Variants in ARHGAP23 observed in about 807,000 individuals in gnomAD.
The protein encoded by ARHGAP23 is Rho GTPase activating protein 23, also known as rho GTPase-activating protein 23.
ARHGAP23 carries 34 observed loss-of-function variants against 136.3 expected under a neutral mutation model. The ratio of observed to expected loss-of-function variants is 0.25; its 90% confidence interval spans 0.19 to 0.33. ARHGAP23 has a LOEUF of 0.33. Ranked by LOEUF, ARHGAP23 falls within the 10% of genes least tolerant of loss-of-function variation. The probability of loss-of-function intolerance (pLI) is 1.00; values close to 1 mark genes in which losing one functional copy is unlikely to be tolerated. For missense variants in ARHGAP23, 1,808 were observed against 2,139.0 expected, an observed-to-expected ratio of 0.85 and a Z score of 3.05; for synonymous variants, 832 against 920.5, an observed-to-expected ratio of 0.90 and a Z score of 1.74.
chr17:38,493,303 C>T (rs1381405523), intron 20 of ARHGAP23, among the ~76,000 whole-genome samples: 1 of 151,646 alleles, frequency 6.6e-6, no homozygotes, highest in African/African-American at 2.4e-5. Context: ...ATCCTGCCAT[C>T]TCAGCCTCCT....
chr17:38,449,384 G>T (rs756752565), intron 1 of ARHGAP23, among the ~76,000 whole-genome samples: 2 of 152,256 alleles, frequency 1.3e-5, no homozygotes, highest in Non-Finnish European at 2.9e-5. Flanking sequence ...CAGGTTCCCG[G>T]TGATGGGGGT....
chr17:38,476,028 G>T (rs2039885172), intron 11 of ARHGAP23, among the ~76,000 whole-genome samples: 1 of 152,220 alleles, frequency 6.6e-6, no homozygotes, highest in Non-Finnish European at 1.5e-5. Flanking sequence ...TCGCTCACCT[G>T]CAAGGGCCCC....
intron 11 of ARHGAP23, among the ~76,000 whole-genome samples, chr17:38,475,947 T>C (rs1337622886): frequency 6.6e-6 from 1 of 151,966 alleles, no homozygotes; most frequent in Non-Finnish European, 1.5e-5. Flanking sequence ...CAGCCACATA[T>C]AGAAGTGAGG....
intron 23 of ARHGAP23, among the ~76,000 whole-genome samples, chr17:38,508,270 G>A (rs1218691380): frequency 6.6e-6 from 1 of 152,172 alleles, no homozygotes; most frequent in Non-Finnish European, 1.5e-5. Flanking sequence ...GCTGGGCCTT[G>A]TAGGGTGAGT....
intron 1 of ARHGAP23, among the ~76,000 whole-genome samples, chr17:38,447,486 G>A (rs898434402): frequency 7.8e-6 from 1 of 128,674 alleles, no homozygotes; most frequent in Admixed American, 8.5e-5. Context: ...TTGAGAGCCC[G>A]CTATGCACAA....
chr17:38,446,227 G>A (rs2039031818), intron 1 of ARHGAP23, among the ~76,000 whole-genome samples: 1 of 116,418 alleles, frequency 8.6e-6, no homozygotes, highest in Non-Finnish European at 1.7e-5. Flanking sequence ...GTTTCACCAT[G>A]TTGCCCGGGC....
At chr17:38,424,263 C>T (rs1388970158), upstream of ARHGAP23, among the ~76,000 whole-genome samples, 1 of 152,102 alleles carries the variant, frequency 6.6e-6, no homozygotes, top group Non-Finnish European at 1.5e-5. Context: ...GCTGTCTCTC[C>T]TTGGCACCTG....
chr17:38,426,569 A>AAAAAAAAAAAAAAAAAAAAAC (rs2038573739), upstream of ARHGAP23, among the ~76,000 whole-genome samples: 1 of 150,908 alleles, frequency 6.6e-6, no homozygotes, highest in Non-Finnish European at 1.5e-5. Flanking sequence ...AAAAAAAAAA[A>AAAAAAAAAAAAAAAAAAAAAC]AAATCCAGGC....
At chr17:38,472,336 C>T (rs950902298) in intron 11 of ARHGAP23, among the ~76,000 whole-genome samples, 3 of 152,172 alleles carry the variant, frequency 2.0e-5, no homozygotes, top group East Asian at 1.9e-4. Context: ...GGAGCAAGGC[C>T]GGGGTGATTT....
intron 2 of ARHGAP23, among the ~76,000 whole-genome samples, chr17:38,459,170 C>A (rs891847086): frequency 2.0e-5 from 3 of 152,162 alleles, no homozygotes; most frequent in African/African-American, 7.2e-5. Flanking sequence ...TCCCTAGGAC[C>A]GGGATCTGCC....
rs2040271383 is a variant in ARHGAP23 at position 38,491,195 on chromosome 17, CA to C, written c.3151-211del. Among the ~76,000 whole-genome samples, 7 of 152,330 alleles carry C rather than the reference CA, an allele frequency of 4.6e-5. No individual in the cohort carries two copies. In the South Asian group the frequency reaches 1.4e-3, roughly 32 times the overall value. On this transcript the variant is annotated intron_variant, in intron 19 of 23. Coordinates refer to ENST00000622683, the MANE Select transcript of ARHGAP23 (RefSeq NM_001199417.2). Reference sequence around the variant, plus strand: ...GCCTTGTATAGGTGTGCAGGTTGGGCACTGCTCATGGCTGCTGGGCCTGGGG... The same window carrying C: ...GCCTTGTATAGGTGTGCAGGTTGGGCCTGCTCATGGCTGCTGGGCCTGGGG...
chr17:38,496,322 T>A (rs534422356), intron 20 of ARHGAP23, among the ~76,000 whole-genome samples: 7 of 133,384 alleles, frequency 5.2e-5, no homozygotes, highest in African/African-American at 1.6e-4. Flanking sequence ...TTTTTTTTTT[T>A]AATTAGCTGT....
upstream of ARHGAP23, among the ~76,000 whole-genome samples, chr17:38,428,228 C>T (rs1370618947): frequency 6.6e-6 from 1 of 152,162 alleles, no homozygotes; most frequent in Non-Finnish European, 1.5e-5. Context: ...CTTCGCCAGG[C>T]TGGGCTCTGA....
chr17:38,466,091 A>G, intron 6 of ARHGAP23, 76 bp from the exon 7 acceptor site: 1 of 1,231,910 alleles, frequency 8.1e-7, no homozygotes, highest in Non-Finnish European at 1.0e-6. Flanking sequence ...GGGCTCCTTG[A>G]CCTCCTCGGG....
In ARHGAP23 at chr17:38,467,075, G is replaced by C; in HGVS notation, c.1392G>C (p.Glu464Asp). 1 of 1,550,906 alleles carries C rather than the reference G, an allele frequency of 6.4e-7. No homozygotes were observed. The highest frequency in any genetic ancestry group is 1.2e-5 in the South Asian group (1 of 84,066). ...SPASFPPEAS[E>D]PPRVVRPEPS... ...CGTCATTCCCACCAGAGGCCTCCGA[G>C]CCACCCAGGGTTGTACGGCCGGAAC... Residue 464 changes from glutamate (E) to aspartate (D), a missense_variant, in exon 7 of 24, where the codon GAG (glutamate) becomes GAC (aspartate). Glu to Asp is a conservative substitution (Grantham distance 45, BLOSUM62 2). This residue lies in a region of ARHGAP23 where 859 missense variants were observed against 936.4 expected (regional missense o/e 0.92). Transcript: ENST00000622683.
intron 1 of ARHGAP23, among the ~76,000 whole-genome samples, chr17:38,443,870 C>A (rs531271521): frequency 5.9e-5 from 9 of 152,244 alleles, no homozygotes; most frequent in African/African-American, 2.2e-4. Flanking sequence ...TACCTCTGCC[C>A]AGGCTGTCAG....
chr17:38,419,419 G>C (rs1243770469), intron 1 of ARHGAP23: 1 of 152,562 alleles, frequency 6.6e-6, no homozygotes, highest in East Asian at 1.9e-4. Flanking sequence ...CGCCGGGCGT[G>C]GGTGCGCGGC....
chr17:38,490,062 G>A (rs1477161137), intron 17 of ARHGAP23, 40 bp from the exon 18 acceptor site: 7 of 1,540,192 alleles, frequency 4.5e-6, no homozygotes, highest in South Asian at 2.4e-5. Flanking sequence ...AGGGGAAGGC[G>A]CTGCCCCCAC....
chr17:38,427,317 A>G (rs1417952130), upstream of ARHGAP23, among the ~76,000 whole-genome samples: 1 of 152,150 alleles, frequency 6.6e-6, no homozygotes, highest in African/African-American at 2.4e-5. Context: ...TACAAAAGTT[A>G]GGTGGGCGGT....
Sources: gnomAD v4.1 joint callset for allele counts (sites outside exome capture counted in the v4.1 genomes callset) on GRCh38, gnomAD v4.1.1 for gene constraint, gnomAD v4.1.1 regional missense constraint, MANE v1.5 for transcripts, NCBI Gene and HGNC (gene_info 2026-07-23, HGNC 2026-07-21) for gene names.